LIMD2: variants seen among roughly 807,000 people sequenced by gnomAD.
LIMD2 encodes the protein LIM domain-containing protein 2.
In LIMD2, 11 loss-of-function variants were observed where a neutral mutation model predicts 16.0. The observed-to-expected ratio is 0.69, with a 90% CI of 0.43 to 1.14. The LOEUF is 1.14. LIMD2 is among the 50% of genes most tolerant of loss of function. The probability of loss-of-function intolerance (pLI) is 0.00; values close to 1 mark genes in which losing one functional copy is unlikely to be tolerated. For missense variants in LIMD2, 168 were observed against 165.8 expected, an observed-to-expected ratio of 1.01 and a Z score of -0.07; for synonymous variants, 60 against 67.1, an observed-to-expected ratio of 0.89 and a Z score of 0.52.
chr17:63,698,872 C>G lies in LIMD2; in HGVS notation c.151G>C (p.Glu51Gln), dbSNP rs1410101382. The G allele has an allele frequency of 6.2e-7, 1 of 1,612,806 alleles. No homozygotes were observed. The highest frequency in any genetic ancestry group is 1.7e-5 in the Admixed American group (1 of 60,000). Residue 51 changes from glutamate (E) to glutamine (Q), a missense_variant, in exon 4 of 5, where the codon GAG (glutamate) becomes CAG (glutamine). Coordinates refer to ENST00000259006, the MANE Select transcript of LIMD2 (RefSeq NM_030576.4). ...ATGAGCTTGTCGGCCACCAGCCGCT[C>G]CATGGGGTACACGGTCTTCTGGCAG... ...AACQKTVYPM[E>Q]RLVADKLIFH...
chr17:63,698,981 C>G (rs1245890451), intron 3 of LIMD2, 43 bp from the exon 4 acceptor site: 6 of 1,610,868 alleles, frequency 3.7e-6, no homozygotes, highest in Non-Finnish European at 5.1e-6. Context: ...GTGCTCATCC[C>G]GCTCCCTCAC....
At position 63,698,574 on chromosome 17, in the gene LIMD2, T is replaced by A; in HGVS notation, c.362A>T (p.Asp121Val). ...HKELWAHKEV[D>V]PGTKTA ...GCCTCAGGCCGTCTTGGTGCCGGGG[T>A]CCACCTCCTTGTGGGCCCAGAGCTC... is the stretch of plus-strand genomic sequence containing the variant. The change falls in exon 5 of 5, where the codon GAC (aspartate) becomes GTC (valine). Residue 121 changes from aspartate (D) to valine (V), a missense_variant. Coordinates refer to ENST00000259006, the MANE Select transcript of LIMD2 (RefSeq NM_030576.4). 6.2e-7 allele frequency: 1 copy of A among 1,613,610 alleles called. No individual in the cohort carries two copies. Among genetic ancestry groups the A allele is most frequent in the Non-Finnish European group, 8.5e-7 (1 of 1,179,970 alleles).
rs1420412792 is a variant in LIMD2, at chr17:63,698,564, G to A, written c.372C>T (p.Thr124=). Residue 124 remains threonine, a synonymous_variant, in exon 5 of 5, where the codon ACC becomes ACT. Transcript: ENST00000259006. ...GGTTACAGAGGCCTCAGGCCGTCTT[G>A]GTGCCGGGGTCCACCTCCTTGTGGG... The part of the protein sequence containing the change: ...LWAHKEVDPG[T]KTA 4 of 1,613,562 alleles carry A rather than the reference G, an allele frequency of 2.5e-6. No homozygotes were observed. The highest frequency in any genetic ancestry group is 1.7e-5 in the Admixed American group (1 of 59,988).
intron 1 of LIMD2, chr17:63,699,772 T>TGGG: frequency 1.7e-4 from 57 of 329,546 alleles, no homozygotes; most frequent in Non-Finnish European, 2.2e-4. Context: ...GCGCCCGAGG[T>TGGG]CCCCGCCCGC....
Position 63,698,214 on chromosome 17 carries a change from G to A in LIMD2, c.*338C>T. ...GTGAGGGAGCTTGGGACCCTGAGGG[G>A]GGCATGCTGACTCCTTGCTGGAGAA... On this transcript the variant is annotated 3_prime_UTR_variant, in exon 5 of 5. Coordinates refer to ENST00000259006, the MANE Select transcript of LIMD2 (RefSeq NM_030576.4). 1 of 312,048 alleles carries A rather than the reference G, an allele frequency of 3.2e-6. No individual in the cohort carries two copies. Among genetic ancestry groups the A allele is most frequent in the Non-Finnish European group, 6.1e-6 (1 of 163,750 alleles). The allele number at this position is 312,048 out of a possible 1,614,324, so 19.3% of individuals were successfully genotyped here. A position where few individuals can be genotyped will look rare whatever the true frequency, so the allele number is the denominator to read the frequency against.
chr17:63,698,933 G>T lies in LIMD2; in HGVS notation c.90C>A (p.Phe30Leu), dbSNP rs1276675478. 4 of 1,612,656 alleles carry T rather than the reference G, an allele frequency of 2.5e-6. No individual in the cohort carries two copies. Among genetic ancestry groups the T allele is most frequent in the Middle Eastern group, 1.6e-4 (1 of 6,084 alleles). The change falls in exon 4 of 5, where the codon TTC (phenylalanine) becomes TTA (leucine). Residue 30 changes from phenylalanine to leucine, a missense_variant. Phe to Leu is a conservative substitution (Grantham distance 22). Coordinates refer to ENST00000259006, the MANE Select transcript of LIMD2 (RefSeq NM_030576.4). ...GSSTVQRSKS[F>L]SLRAQVKETC... ...TCTCCTTCACCTGGGCCCGCAGGCT[G>T]AAGGACTGTGCGGGAAGCTCAGCCA...
In LIMD2 at chr17:63,698,292, G is replaced by C. The variant is rs1030035338; in HGVS notation, c.*260C>G. ...TGGGGGCCTCCCAGGGGGTCCTGGGGTGAGGTGGGGAGGGAGGCTGAACGA... is the reference window on the plus strand; with the variant it reads ...TGGGGGCCTCCCAGGGGGTCCTGGGCTGAGGTGGGGAGGGAGGCTGAACGA... On this transcript the variant is annotated 3_prime_UTR_variant, in exon 5 of 5. Coordinates refer to ENST00000259006, the MANE Select transcript of LIMD2 (RefSeq NM_030576.4). 1 of 528,742 alleles carries C rather than the reference G, an allele frequency of 1.9e-6. No homozygotes were observed. Among genetic ancestry groups the C allele is most frequent in the East Asian group, 3.3e-5 (1 of 29,932 alleles). The allele number at this position is 528,742 out of a possible 1,614,324, so 32.8% of individuals were successfully genotyped here.
At chr17:63,699,949 C>A in intron 1 of LIMD2, 83 bp downstream of exon 1, 1 of 983,836 alleles carries the variant, frequency 1.0e-6, no homozygotes. Flanking sequence ...CGCCGGGACC[C>A]CACGGGCGGC....
At position 63,697,011 on chromosome 17, in the gene LIMD2, C is replaced by T. The variant is rs375138850; in HGVS notation, c.*1541G>A. On this transcript the variant is annotated 3_prime_UTR_variant, in exon 5 of 5. Transcript: ENST00000259006. ...TTGTATGGTGTGGTGGCAGCAAACC[C>T]TCCAGGAGTCTCTGTTCTCATCGAT... 4.5e-4 allele frequency: 69 copies of T among 152,358 alleles called. 1 individual carries two copies. The highest frequency in any genetic ancestry group is 3.4e-3 in the Middle Eastern group (1 of 296). 9.4% of individuals were successfully genotyped at this position (152,358 alleles called of 1,614,324 possible). A position where few individuals can be genotyped will look rare whatever the true frequency, so the allele number is the denominator to read the frequency against.
In LIMD2 at chr17:63,698,343, C is replaced by T. The variant is rs570221561; in HGVS notation, c.*209G>A. ...AGCAGGAAGCAGGGTGGTGGGCAGA[C>T]CCCAATCCTGGTTTCCAAACCCTCA... On this transcript the variant is annotated 3_prime_UTR_variant, in exon 5 of 5. Coordinates refer to ENST00000259006, the MANE Select transcript of LIMD2 (RefSeq NM_030576.4). The T allele has an allele frequency of 1.6e-6, 1 of 643,252 alleles. No homozygotes were observed. Among genetic ancestry groups the T allele is most frequent in the South Asian group, 2.0e-5 (1 of 51,140 alleles). The allele number at this position is 643,252 out of a possible 1,614,324, so 39.8% of individuals were successfully genotyped here. A position where few individuals can be genotyped will look rare whatever the true frequency, so the allele number is the denominator to read the frequency against.
At chr17:63,699,117 G>A in intron 2 of LIMD2, 48 bp from the exon 3 acceptor site, 1 of 1,584,416 alleles carries the variant, frequency 6.3e-7, no homozygotes, top group Non-Finnish European at 8.6e-7. Flanking sequence ...GGAGGCCCTG[G>A]ATCAGGGCTG....
At chr17:63,699,119 T>C (rs1877317) in intron 2 of LIMD2, 50 bp from the exon 3 acceptor site, 1,005,018 of 1,579,136 alleles carry the variant, frequency 0.64, 324,474 homozygotes, top group African/African-American at 0.92. Flanking sequence ...AGGCCCTGGA[T>C]CAGGGCTGCA....
chr17:63,696,336 T>TG lies in LIMD2; in HGVS notation c.*2215dup, dbSNP rs1183494351. The TG allele has an allele frequency of 1.1e-4, 17 of 152,190 alleles. No individual in the cohort carries two copies. The highest frequency in any genetic ancestry group is 4.1e-4 in the African/African-American group (17 of 41,156). 9.4% of individuals were successfully genotyped at this position (152,190 alleles called of 1,614,324 possible). On this transcript the variant is annotated 3_prime_UTR_variant, in exon 5 of 5. Coordinates refer to ENST00000259006, the MANE Select transcript of LIMD2 (RefSeq NM_030576.4). ...GGGGTCCTGTGGCAGTGCTTTCAGTTGTGGGGGGTGGAGGTAGGTTTTTGC... is the reference window on the plus strand; with the variant it reads ...GGGGTCCTGTGGCAGTGCTTTCAGTTGGTGGGGGGTGGAGGTAGGTTTTTGC...
At position 63,698,895 on chromosome 17, in the gene LIMD2, C is replaced by A; in HGVS notation, c.128G>T (p.Cys43Phe). The A allele has an allele frequency of 6.2e-7, 1 of 1,612,816 alleles. No homozygotes were observed. The change falls in exon 4 of 5, where the codon TGC becomes TTC. Residue 43 changes from cysteine to phenylalanine, a missense_variant. Coordinates refer to ENST00000259006, the MANE Select transcript of LIMD2 (RefSeq NM_030576.4). ...CTCCATGGGGTACACGGTCTTCTGG[C>A]AGGCGGCGCAGGTCTCCTTCACCTG... is the stretch of plus-strand genomic sequence containing the variant. Reference protein sequence around the residue: ...RAQVKETCAACQKTVYPMERL... With the variant: ...RAQVKETCAAFQKTVYPMERL...
At chr17:63,699,779 C>T in intron 1 of LIMD2, 1 of 331,590 alleles carries the variant, frequency 3.0e-6, no homozygotes. Flanking sequence ...AGGTCCCCGC[C>T]CGCCCCGCCC....
chr17:63,699,185 T>C, intron 2 of LIMD2, 72 bp downstream of exon 2: 1 of 1,594,820 alleles, frequency 6.3e-7, no homozygotes, highest in Non-Finnish European at 8.5e-7. Context: ...GCCGGCAAAC[T>C]CTGATGCCTC....
chr17:63,698,894 G>A lies in LIMD2; in HGVS notation c.129C>T (p.Cys43=), dbSNP rs2035737389. 6.2e-7 allele frequency: 1 copy of A among 1,612,800 alleles called. No individual in the cohort carries two copies. Among genetic ancestry groups the A allele is most frequent in the Non-Finnish European group, 8.5e-7 (1 of 1,179,936 alleles). Reference sequence around the variant, plus strand: ...GCTCCATGGGGTACACGGTCTTCTGGCAGGCGGCGCAGGTCTCCTTCACCT... The same window carrying A: ...GCTCCATGGGGTACACGGTCTTCTGACAGGCGGCGCAGGTCTCCTTCACCT... ...RAQVKETCAA[C]QKTVYPMERL... is the part of the protein sequence containing the mutation. The change falls in exon 4 of 5, where the codon TGC becomes TGT. Residue 43 remains cysteine (C), a synonymous_variant. Coordinates refer to ENST00000259006, the MANE Select transcript of LIMD2 (RefSeq NM_030576.4).
At chr17:63,699,171 G>T in intron 2 of LIMD2, 86 bp downstream of exon 2, 1 of 1,587,734 alleles carries the variant, frequency 6.3e-7, no homozygotes, top group Non-Finnish European at 8.6e-7. Context: ...AGGGCACAAA[G>T]GGGGCCGGCA....
In LIMD2 at chr17:63,699,018, A is replaced by G. The variant is rs764186933; in HGVS notation, c.84+10T>C. Reference sequence around the variant, plus strand: ...CCCCTCCTCCCGCACACCCGGCCCCAGGCCCCTACCTTGGAGCGCTGCACC... The same window carrying G: ...CCCCTCCTCCCGCACACCCGGCCCCGGGCCCCTACCTTGGAGCGCTGCACC... On this transcript the variant is annotated intron_variant, in intron 3 of 4. Transcript: ENST00000259006. The G allele has an allele frequency of 6.2e-7, 1 of 1,609,730 alleles. No homozygotes were observed. The highest frequency in any genetic ancestry group is 8.5e-7 in the Non-Finnish European group (1 of 1,178,384).
Sources: allele counts gnomAD v4.1 joint callset, GRCh38; gene constraint gnomAD v4.1.1; transcripts MANE v1.5; gene names NCBI Gene and HGNC (gene_info 2026-07-23, HGNC 2026-07-21).